The following HAUS7 variants were observed in gnomAD, a reference collection of about 807,000 sequenced individuals.
HAUS7 encodes HAUS augmin like complex subunit 7.
In HAUS7, 3 loss-of-function variants were observed where a neutral mutation model predicts 28.4. The ratio of observed to expected loss-of-function variants is 0.11; its 90% confidence interval spans 0.05 to 0.27. The LOEUF (loss-of-function observed/expected upper bound fraction) is 0.27. Among genes scored for constraint, HAUS7 ranks in the 10% least tolerant of loss-of-function variants. HAUS7 has a pLI of 1.00. For synonymous variants in HAUS7, 165 were observed against 132.1 expected (o/e 1.25, Z -1.71); for missense variants, 284 against 297.3 (o/e 0.96, Z 0.33).
In HAUS7 at chrX:153,454,424, A is replaced by T. The variant is rs782320708; in HGVS notation, c.1015T>A (p.Trp339Arg). ...VKKQQGEQIC[W>R]GGSSSVMSLA... ...CTCATGACGGAGCTGCTGCCACCCCAGCAGATCTGCTCGCCTTGCTGCTTC... is the reference window on the plus strand; with the variant it reads ...CTCATGACGGAGCTGCTGCCACCCCTGCAGATCTGCTCGCCTTGCTGCTTC... Residue 339 changes from tryptophan to arginine, a missense_variant, in exon 9 of 10, where the codon TGG becomes AGG. By Grantham distance (101) the Trp-to-Arg change is moderately radical. Transcript: ENST00000370211. The T allele has an allele frequency of 1.7e-6, 2 of 1,189,260 alleles. No individual in the cohort carries two copies. Among genetic ancestry groups the T allele is most frequent in the Non-Finnish European group, 1.1e-6 (1 of 880,693 alleles).
Position 153,486,613 on chromosome X carries a change from C to T in HAUS7, c.-589+8761G>A, listed in dbSNP as rs782508559. On this transcript the variant is annotated intron_variant, in intron 1 of 5. Coordinates refer to the HAUS7 transcript ENST00000370210. ...GGGGTCTTCTCTCCCCTGCTCTGCCCCACCCCTCCCTTGCAGACAAGTGCC... is the reference window on the plus strand; with the variant it reads ...GGGGTCTTCTCTCCCCTGCTCTGCCTCACCCCTCCCTTGCAGACAAGTGCC... 11 of 980,425 alleles carry T rather than the reference C, an allele frequency of 1.1e-5. No individual in the cohort carries two copies. In the South Asian group the frequency reaches 1.4e-4, roughly 12 times the overall value. 80.8% of individuals were successfully genotyped at this position (980,425 alleles called of 1,213,427 possible).
At chrX:153,454,999 T>C (rs781828980) in intron 8 of HAUS7, 1 of 1,022,819 alleles carries the variant, frequency 9.8e-7, no homozygotes, top group Non-Finnish European at 1.3e-6. Context: ...GTTGCGCACG[T>C]GGGAACTGTA....
intron 1 of HAUS7, chrX:153,479,377 GC>G: frequency 1.3e-6 from 1 of 754,552 alleles, no homozygotes; most frequent in Non-Finnish European, 1.6e-6. Context: ...CCCACCAGGG[GC>G]CCCCGACGGT....
At chrX:153,492,733 C>G (rs2089679020) in intron 1 of HAUS7, among the ~76,000 whole-genome samples, 1 of 111,125 alleles carries the variant, frequency 9.0e-6, no homozygotes, top group Non-Finnish European at 1.9e-5. Flanking sequence ...TCTCCCCACA[C>G]CCCCCCGCAC....
At chrX:153,457,303 G>C in intron 4 of HAUS7, 75 bp from the exon 5 acceptor site, 1 of 648,773 alleles carries the variant, frequency 1.5e-6, no homozygotes, top group Non-Finnish European at 2.5e-6. Context: ...CAGTGCCCCT[G>C]CCCCCACATG....
chrX:153,450,499 G>A (rs1400896850), intron 9 of HAUS7, among the ~76,000 whole-genome samples: 4 of 112,354 alleles, frequency 3.6e-5, no homozygotes, highest in Admixed American at 9.4e-5. Context: ...TTCCCCGCCC[G>A]CTGAGCCCGT....
At chrX:153,483,468 G>A in intron 1 of HAUS7, 3 of 755,138 alleles carry the variant, frequency 4.0e-6, no homozygotes, top group Non-Finnish European at 4.7e-6. Context: ...CCAGAGCTTC[G>A]CCCCAATGGG....
At position 153,479,454 on chromosome X, in the gene HAUS7, T is replaced by C. The variant is rs782072989; in HGVS notation, c.-588-8309A>G. The C allele has an allele frequency of 1.0e-3, 703 of 678,267 alleles. 1 individual carries two copies. Among genetic ancestry groups the C allele is most frequent in the Non-Finnish European group, 1.2e-3 (679 of 570,270 alleles). 55.9% of individuals were successfully genotyped at this position (678,267 alleles called of 1,213,427 possible). On this transcript the variant is annotated intron_variant, in intron 1 of 5. Transcript: ENST00000370210. ...TCCACCTCAGGCCCACTTTGGGTAC[T>C]CAGGCAGGGCTGCAAAGGGCCCATG...
intron 1 of HAUS7, among the ~76,000 whole-genome samples, chrX:153,469,550 A>T (rs1231005549): frequency 8.9e-6 from 1 of 112,433 alleles, no homozygotes; most frequent in African/African-American, 3.2e-5. Context: ...CTGGTGTCAA[A>T]CTCCTGACCT....
chrX:153,465,893 C>T (rs1270696710), intron 2 of HAUS7, among the ~76,000 whole-genome samples: 2 of 112,502 alleles, frequency 1.8e-5, no homozygotes, highest in African/African-American at 6.5e-5. Context: ...GGGCCACAGG[C>T]TCTTACCCGG....
intron 1 of HAUS7, among the ~76,000 whole-genome samples, chrX:153,478,838 C>T (rs782444592): frequency 2.4e-4 from 27 of 112,746 alleles, no homozygotes; most frequent in African/African-American, 7.4e-4. Context: ...CCTCTCCTTT[C>T]GCAGCCATGG....
At chrX:153,460,842 G>A (rs782250703) in intron 4 of HAUS7, among the ~76,000 whole-genome samples, 114 of 112,507 alleles carry the variant, frequency 1.0e-3, no homozygotes, top group Middle Eastern at 4.7e-3. Flanking sequence ...CACGGAAGTG[G>A]GTGGTTTATG....
intron 3 of HAUS7, among the ~76,000 whole-genome samples, chrX:153,464,605 C>A (rs1556983973): frequency 8.9e-6 from 1 of 112,618 alleles, no homozygotes; most frequent in African/African-American, 3.2e-5. Context: ...ACATTCATTA[C>A]CAGGTTAAGC....
chrX:153,487,015 A>G (rs2089643288), intron 1 of HAUS7: 1 of 276,111 alleles, frequency 3.6e-6, no homozygotes, highest in Non-Finnish European at 6.5e-6. Context: ...TTGTACTTGA[A>G]CATAATAAAT....
intron 4 of HAUS7, among the ~76,000 whole-genome samples, chrX:153,458,140 TG>T (rs1556982685): frequency 8.9e-6 from 1 of 112,872 alleles, no homozygotes; most frequent in Admixed American, 9.3e-5. Context: ...GCGGGGGCAA[TG>T]ATAAGGTAAA....
chrX:153,472,075 G>A (rs968419405), upstream of HAUS7, among the ~76,000 whole-genome samples: 2 of 111,348 alleles, frequency 1.8e-5, no homozygotes, highest in Admixed American at 9.5e-5. Context: ...CCTAGGACTG[G>A]GGAATTTGGC....
At chrX:153,463,147 C>A (rs1402587469) in intron 3 of HAUS7, 4 of 329,095 alleles carry the variant, frequency 1.2e-5, no homozygotes, top group African/African-American at 7.9e-5. Context: ...GGGAACCTGG[C>A]GCCGTGCACA....
chrX:153,454,604 AC>A, intron 8 of HAUS7, 96 bp from the exon 9 acceptor site: 1 of 544,631 alleles, frequency 1.8e-6, no homozygotes, highest in Admixed American at 2.8e-5. Context: ...CCTGCTTCCC[AC>A]CCCCACTCAC....
intron 1 of HAUS7, among the ~76,000 whole-genome samples, chrX:153,483,081 G>C (rs782424762): frequency 8.8e-6 from 1 of 113,125 alleles, no homozygotes; most frequent in Admixed American, 9.2e-5. Flanking sequence ...GGTTCTCTGA[G>C]TAAGGCCCAT....
Sources: allele counts gnomAD v4.1 joint callset (sites outside exome capture counted in the v4.1 genomes callset), GRCh38; gene constraint gnomAD v4.1.1; transcripts MANE v1.5; gene names NCBI Gene and HGNC (gene_info 2026-07-23, HGNC 2026-07-21).